Variants in NRG1 observed in about 807,000 individuals in gnomAD.
The protein encoded by NRG1 is neuregulin 1.
In NRG1, 18 loss-of-function variants were observed where a neutral mutation model predicts 63.8. That is an observed-to-expected ratio of 0.28 (90% CI 0.19 to 0.42). NRG1 has a LOEUF of 0.42. Among genes scored for constraint, NRG1 ranks in the 10% least tolerant of loss-of-function variants. The pLI, the probability that NRG1 is intolerant of heterozygous loss-of-function variation, is 1.00. For missense variants in NRG1, 762 were observed against 814.7 expected (o/e 0.94, Z 0.79); for synonymous variants, 302 against 301.3 (o/e 1.00, Z -0.02).
At chr8:31,802,510 A>G (rs529099823) in intron 1 of NRG1, among the ~76,000 whole-genome samples, 2 of 152,296 alleles carry the variant, frequency 1.3e-5, no homozygotes, top group African/African-American at 4.8e-5. Context: ...AAAAAGGCAC[A>G]GAAAAATGGT....
chr8:32,282,581 C>T (rs914513809), intron 1 of NRG1, among the ~76,000 whole-genome samples: 13 of 152,138 alleles, frequency 8.5e-5, no homozygotes, highest in African/African-American at 1.9e-4. Flanking sequence ...CATTCAGAGC[C>T]GCTGTTCTCA....
chr8:32,078,887 G>A (rs907792890), intron 1 of NRG1, among the ~76,000 whole-genome samples: 2 of 152,018 alleles, frequency 1.3e-5, no homozygotes, highest in Admixed American at 6.6e-5. Context: ...GCTGGCTCGC[G>A]CTATTCTGTG....
At chr8:32,090,353 GA>G (rs1165029018) in intron 1 of NRG1, among the ~76,000 whole-genome samples, 1 of 152,084 alleles carries the variant, frequency 6.6e-6, no homozygotes, top group African/African-American at 2.4e-5. Flanking sequence ...TATGTCTTAG[GA>G]AAAGAGTCCG....
exon 9 of NRG1, chr8:32,756,474 T>C: frequency 6.2e-7 from 1 of 1,613,774 alleles, no homozygotes; most frequent in Non-Finnish European, 8.5e-7. Context: ...ATGATGAACA[T>C]TGCCAATGGG....
chr8:32,678,253 G>A (rs1238628320), intron 5 of NRG1, among the ~76,000 whole-genome samples: 8 of 151,948 alleles, frequency 5.3e-5, no homozygotes, highest in Admixed American at 2.6e-4. Flanking sequence ...TTTTCTTTCC[G>A]CTAATGTCCC....
At position 31,640,195 on chromosome 8, in the gene NRG1, T is replaced by C; in HGVS notation, c.37+764T>C. ...CTACTCGTCCCCGCCCAGCGTGGGA[T>C]CGGTGCAGGAGCTAGCTCAGCGCGC... On this transcript the variant is annotated intron_variant, in intron 1 of 10. Coordinates refer to the NRG1 transcript ENST00000519301. This position sits in a 1 kb window ranked among gnomAD's most constrained non-coding sequence, Gnocchi z 6.3. 1 of 1,185,192 alleles carries C rather than the reference T, an allele frequency of 8.4e-7. No individual in the cohort carries two copies. 73.4% of individuals were successfully genotyped at this position (1,185,192 alleles called of 1,614,324 possible). A position where few individuals can be genotyped will look rare whatever the true frequency, so the allele number is the denominator to read the frequency against.
At chr8:32,186,550 T>C (rs1841992721) in intron 1 of NRG1, among the ~76,000 whole-genome samples, 1 of 151,444 alleles carries the variant, frequency 6.6e-6, no homozygotes, top group Non-Finnish European at 1.5e-5. Context: ...TTTCAACACA[T>C]ATTACAGTTC....
intron 1 of NRG1, among the ~76,000 whole-genome samples, chr8:32,418,372 C>T (rs1816226789): frequency 6.7e-6 from 1 of 150,164 alleles, no homozygotes; most frequent in African/African-American, 2.4e-5. Context: ...CTCTTTAACT[C>T]TTTAATATAT....
chr8:32,769,316 G>A (rs1831637905), downstream of NRG1, among the ~76,000 whole-genome samples: 1 of 152,186 alleles, frequency 6.6e-6, no homozygotes, highest in Non-Finnish European at 1.5e-5. Flanking sequence ...TTTGGAAAGA[G>A]TGAAGACTCG....
intron 1 of NRG1, among the ~76,000 whole-genome samples, chr8:31,826,401 A>T (rs1489127814): frequency 6.6e-6 from 1 of 152,048 alleles, no homozygotes; most frequent in Non-Finnish European, 1.5e-5. Context: ...ACAAGATCTG[A>T]TGGTTTTGCA....
intron 1 of NRG1, among the ~76,000 whole-genome samples, chr8:31,921,537 G>A (rs903196799): frequency 6.6e-6 from 1 of 152,082 alleles, no homozygotes; most frequent in Non-Finnish European, 1.5e-5. Flanking sequence ...AACAGGAAGA[G>A]CATGCTGGAC....
chr8:32,156,658 A>G (rs998616632), intron 1 of NRG1, among the ~76,000 whole-genome samples: 20 of 152,380 alleles, frequency 1.3e-4, no homozygotes, highest in South Asian at 2.1e-4. Flanking sequence ...TGGTGTTAAA[A>G]GAATAAAGCT....
At chr8:32,293,470 C>T (rs1206814894) in intron 1 of NRG1, among the ~76,000 whole-genome samples, 1 of 152,070 alleles carries the variant, frequency 6.6e-6, no homozygotes, top group Non-Finnish European at 1.5e-5. Context: ...GTCCTTCTGG[C>T]CCCCAGATCT....
chr8:32,117,257 T>C (rs926013953), intron 1 of NRG1, among the ~76,000 whole-genome samples: 1 of 152,134 alleles, frequency 6.6e-6, no homozygotes, highest in East Asian at 1.9e-4. Flanking sequence ...AAGGGAGATA[T>C]GTAGTTGTAT....
intron 1 of NRG1, among the ~76,000 whole-genome samples, chr8:32,380,208 T>A (rs997037024): frequency 5.3e-5 from 8 of 152,140 alleles, no homozygotes; most frequent in East Asian, 1.9e-4. Flanking sequence ...ATACTTTTTT[T>A]AATAATATAT....
At chr8:32,052,705 T>C (rs544142496) in intron 1 of NRG1, among the ~76,000 whole-genome samples, 1 of 152,284 alleles carries the variant, frequency 6.6e-6, no homozygotes, top group East Asian at 1.9e-4. Context: ...TTAGTTTACC[T>C]TGCTTTTGTG....
At chr8:32,038,618 A>C (rs1269306403) in intron 1 of NRG1, among the ~76,000 whole-genome samples, 1 of 152,172 alleles carries the variant, frequency 6.6e-6, no homozygotes, top group Non-Finnish European at 1.5e-5. Context: ...ACCATCAATT[A>C]TTCCTGTATA....
At chr8:32,743,536 CGT>C (rs1478187034) in intron 7 of NRG1, among the ~76,000 whole-genome samples, 1 of 107,400 alleles carries the variant, frequency 9.3e-6, no homozygotes. Context: ...TATGTGTGTG[CGT>C]GTATATACAT....
chr8:31,950,351 C>G (rs1309861542), intron 1 of NRG1, among the ~76,000 whole-genome samples: 1 of 152,078 alleles, frequency 6.6e-6, no homozygotes. Flanking sequence ...TCTGTGAAGT[C>G]TTTTGGAGAC....
Sources: allele counts gnomAD v4.1 joint callset (sites outside exome capture counted in the v4.1 genomes callset), GRCh38; gene constraint gnomAD v4.1.1; non-coding constraint Gnocchi (gnomAD v3.1); transcripts MANE v1.5; gene names NCBI Gene and HGNC (gene_info 2026-07-23, HGNC 2026-07-21).